Variants in PIGN observed in about 807,000 individuals in gnomAD.
The protein encoded by PIGN is GPI ethanolamine phosphate transferase 1.
PIGN carries 117 observed loss-of-function variants against 125.4 expected under a neutral mutation model. The ratio of observed to expected loss-of-function variants is 0.93; its 90% CI spans 0.80 to 1.09. The LOEUF is 1.09. Ranked by LOEUF, PIGN falls within the 50% of genes least tolerant of loss-of-function variation. The probability of loss-of-function intolerance (pLI) is 0.00; values close to 1 mark genes in which losing one functional copy is unlikely to be tolerated. For missense variants in PIGN, 1,075 were observed against 1,094.9 expected, an observed-to-expected ratio of 0.98 and a Z score of 0.26; for synonymous variants, 392 against 377.8, an observed-to-expected ratio of 1.04 and a Z score of -0.44.
intron 28 of PIGN, among the ~76,000 whole-genome samples, chr18:62,077,571 T>C (rs1324957779): frequency 2.0e-5 from 3 of 152,202 alleles, no homozygotes; most frequent in Non-Finnish European, 4.4e-5. Flanking sequence ...TCAGTTTCCT[T>C]ATCTATAAAA....
At position 62,065,514 on chromosome 18, in the gene PIGN, G is replaced by A. The variant is rs574662222; in HGVS notation, c.2672+7159C>T. ...AGCACTTTGGGAGGCCGAGGCGGGCGGATCACGAGGTCAGAATATCGAGAC... is the reference window on the plus strand; with the variant it reads ...AGCACTTTGGGAGGCCGAGGCGGGCAGATCACGAGGTCAGAATATCGAGAC... On this transcript the variant is annotated intron_variant, in intron 30 of 30. Transcript: ENST00000640252. Among the ~76,000 whole-genome samples the A allele has an allele frequency of 5.9e-5, 9 of 152,208 alleles. No individual in the cohort carries two copies. In the South Asian group the frequency reaches 1.0e-3, roughly 18 times the overall value.
At position 62,121,011 on chromosome 18, in the gene PIGN, A is replaced by G. The variant is rs1052497720; in HGVS notation, c.1173-6372T>C. Among the ~76,000 whole-genome samples, 3 of 152,212 alleles carry G rather than the reference A, an allele frequency of 2.0e-5. No homozygotes were observed. In the South Asian group the frequency reaches 6.2e-4, roughly 31 times the overall value. ...GTTAAAAGTGAAAGGATATGAGAAA[A>G]GACATAACACACAAATATAAACAAT... is the stretch of plus-strand genomic sequence containing the variant. On this transcript the variant is annotated intron_variant, in intron 14 of 30. Coordinates refer to ENST00000640252, the MANE Select transcript of PIGN (RefSeq NM_176787.5).
rs2034815653 is a variant in PIGN at position 62,110,067 on chromosome 18, T to C, written c.1435-94A>G. 4 of 1,137,884 alleles carry C rather than the reference T, an allele frequency of 3.5e-6. No individual in the cohort carries two copies. The South Asian group carries it at 4.4e-5, about 12-fold the overall frequency. 70.5% of individuals were successfully genotyped at this position (1,137,884 alleles called of 1,614,324 possible). ...TTATAAAGTAAAGAAAACCTATTAC[T>C]TTCTTTCAATGGTTATACTACTAGA... On this transcript the variant is annotated intron_variant, in intron 16 of 30. Transcript: ENST00000640252.
rs605791 is a variant in PIGN at position 62,018,188 on chromosome 18, G to A, written c.2143-447C>T. ...ATACAGGGAAAGCAGGGCTGGCTCC[G>A]GCCTGCCCTGGGAAGGGAAGCTTCA... On this transcript the variant is annotated intron_variant, in intron 23 of 24. Coordinates refer to the PIGN transcript ENST00000639600. Among the ~76,000 whole-genome samples, 1,050 of 152,276 alleles carry A rather than the reference G, an allele frequency of 6.9e-3. 9 individuals carry two copies. The highest frequency in any genetic ancestry group is 0.024 in the African/African-American group (999 of 41,556).
At chr18:62,033,152 C>A (rs1011732189) in intron 23 of PIGN, among the ~76,000 whole-genome samples, 1 of 152,214 alleles carries the variant, frequency 6.6e-6, no homozygotes, top group Non-Finnish European at 1.5e-5. Context: ...TGCTAAGAAC[C>A]ACTATATGGG....
Position 62,113,200 on chromosome 18 carries a change from A to C in PIGN, c.1368T>G (p.Ser456=). 6.2e-7 allele frequency: 1 copy of C among 1,612,694 alleles called. No homozygotes were observed. ...ACTTGATGATCAACAAAGAGGCATA[A>C]GATATCCATCCCACAAAACCAATAA... is the stretch of plus-strand genomic sequence containing the variant. The part of the protein sequence containing the change: ...NVVIGFVGWI[S]YASLLIIKSH... Residue 456 remains serine (S), a synonymous_variant, in exon 16 of 31, where the codon TCT becomes TCG. Transcript: ENST00000640252.
chr18:62,148,267 G>GA lies in PIGN; in HGVS notation c.620dup (p.His209ThrfsTer24). On this transcript the variant is annotated frameshift_variant, in exon 8 of 31. Coordinates refer to ENST00000640252, the MANE Select transcript of PIGN (RefSeq NM_176787.5). LOFTEE classifies it high-confidence loss of function. ...TTGTATCTATTCCTAATAAATGTAA[G>GA]AAAAAAACTATTTTCTCTTCATTTA... The GA allele has an allele frequency of 6.5e-7, 1 of 1,534,374 alleles. No homozygotes were observed. Among genetic ancestry groups the GA allele is most frequent in the Non-Finnish European group, 8.8e-7 (1 of 1,137,984 alleles).
At chr18:62,091,813 C>T (rs2033974327) in intron 23 of PIGN, among the ~76,000 whole-genome samples, 2 of 152,274 alleles carry the variant, frequency 1.3e-5, no homozygotes, top group South Asian at 2.1e-4. Context: ...TACCTGTAAG[C>T]GTCTATTATT....
chr18:62,085,768 CT>C (rs1304990392), intron 25 of PIGN, among the ~76,000 whole-genome samples: 6 of 152,148 alleles, frequency 3.9e-5, no homozygotes, highest in Non-Finnish European at 7.4e-5. Context: ...TGCTGAACAT[CT>C]TTTTGACATT....
intron 30 of PIGN, among the ~76,000 whole-genome samples, chr18:62,047,930 T>C (rs2030871494): frequency 6.6e-6 from 1 of 152,120 alleles, no homozygotes; most frequent in Non-Finnish European, 1.5e-5. Flanking sequence ...TAATGAGCAA[T>C]TATGTACATA....
intron 29 of PIGN, 25 bp from the exon 30 acceptor site, chr18:62,072,750 T>G (rs1172690395): frequency 1.3e-6 from 2 of 1,489,878 alleles, no homozygotes; most frequent in African/African-American, 2.8e-5. Flanking sequence ...AAAGGCTTAA[T>G]GAAAAACAAA....
chr18:62,084,591 A>G lies in PIGN; in HGVS notation c.2442T>C (p.Ser814=). The change falls in exon 27 of 31, where the codon TCT becomes TCC. Residue 814 remains serine, a synonymous_variant. Transcript: ENST00000640252. Reference sequence around the variant, plus strand: ...TGAACACAGTCAGAAAGCAATAGACAGAGGCAAGATCAAAGCTAGGGAATT... The same window carrying G: ...TGAACACAGTCAGAAAGCAATAGACGGAGGCAAGATCAAAGCTAGGGAATT... The part of the protein sequence containing the change: ...IASINSFDLA[S]VYCFLTVFSP... The G allele has an allele frequency of 6.4e-7, 1 of 1,555,414 alleles. No homozygotes were observed. Among genetic ancestry groups the G allele is most frequent in the Non-Finnish European group, 8.7e-7 (1 of 1,147,004 alleles).
intron 18 of PIGN, 32 bp downstream of exon 18, chr18:62,106,954 T>C (rs370206116): frequency 2.1e-5 from 32 of 1,537,194 alleles, no homozygotes; most frequent in Admixed American, 3.8e-5. Context: ...TAAAAGAAAT[T>C]TGCAAATGTT....
chr18:62,087,470 T>C (rs1463624623), intron 25 of PIGN, among the ~76,000 whole-genome samples: 2 of 152,176 alleles, frequency 1.3e-5, no homozygotes, highest in East Asian at 1.9e-4. Context: ...ATATGGCATA[T>C]ACATGGAGAG....
At chr18:62,062,195 T>TC (rs1001706448) in intron 30 of PIGN, among the ~76,000 whole-genome samples, 3 of 152,048 alleles carry the variant, frequency 2.0e-5, no homozygotes, top group African/African-American at 4.8e-5. Context: ...CTGACCCTGC[T>TC]CCCCCCACCT....
At chr18:62,142,070 T>A (rs2036157627) in intron 11 of PIGN, among the ~76,000 whole-genome samples, 1 of 152,158 alleles carries the variant, frequency 6.6e-6, no homozygotes, top group South Asian at 2.1e-4. Flanking sequence ...GCTGCACAAA[T>A]CTCTGTTGCA....
intron 23 of PIGN, among the ~76,000 whole-genome samples, chr18:62,029,085 C>T (rs895312059): frequency 6.6e-6 from 1 of 152,206 alleles, no homozygotes; most frequent in African/African-American, 2.4e-5. Context: ...CTTCCATGTG[C>T]CTTCCATCTC....
intron 14 of PIGN, among the ~76,000 whole-genome samples, chr18:62,121,362 C>A (rs1457729118): frequency 6.6e-6 from 1 of 152,104 alleles, no homozygotes; most frequent in Non-Finnish European, 1.5e-5. Flanking sequence ...CCATTCTAAA[C>A]CTTATTCAGG....
Position 62,041,638 on chromosome 18 carries a change from CGGGTGTGTGTGTGTGTGTGT to C in PIGN, c.*4198_*4217del, listed in dbSNP as rs1183220136. On this transcript the variant is annotated 3_prime_UTR_variant, in exon 31 of 31. Coordinates refer to ENST00000640252, the MANE Select transcript of PIGN (RefSeq NM_176787.5). ...GGATTACAGGAGCCTACCACCCCGC[CGGGTGTGTGTGTGTGTGTGT>C]GTGTGTGTGTGTGTGTGTGTGTGTG... is the stretch of plus-strand genomic sequence containing the variant. 2.1e-5 allele frequency: 2 copies of C among 95,236 alleles called. No homozygotes were observed. Among genetic ancestry groups the C allele is most frequent in the East Asian group, 3.4e-4 (1 of 2,984 alleles). 5.9% of individuals were successfully genotyped at this position (95,236 alleles called of 1,614,324 possible).
Sources: allele counts gnomAD v4.1 joint callset (sites outside exome capture counted in the v4.1 genomes callset), GRCh38; gene constraint gnomAD v4.1.1; transcripts MANE v1.5; gene names NCBI Gene and HGNC (gene_info 2026-07-23, HGNC 2026-07-21).